The following CNBD2 variants were observed in gnomAD, a reference collection of about 807,000 sequenced individuals.
CNBD2 encodes the protein cyclic nucleotide binding domain containing 2, also known as cyclic nucleotide-binding domain-containing protein 2.
A neutral mutation model predicts 63.7 loss-of-function variants in CNBD2; 64 were observed. That is an observed-to-expected ratio of 1.00 (90% CI 0.82 to 1.24). The LOEUF (loss-of-function observed/expected upper bound fraction) is 1.24, where lower values mean the gene tolerates loss of function less well. Among genes scored for constraint, CNBD2 ranks in the 50% most tolerant of loss-of-function variants. The probability of loss-of-function intolerance (pLI) is 0.00; values close to 1 mark genes in which losing one functional copy is unlikely to be tolerated. For synonymous variants in CNBD2, 229 were observed against 255.4 expected (o/e 0.90, Z 0.99); for missense variants, 691 against 713.5 (o/e 0.97, Z 0.36).
At position 36,030,543 on chromosome 20, in the gene CNBD2, AC is replaced by A; in HGVS notation, c.1628del (p.Pro543LeufsTer16). 6.2e-7 allele frequency: 1 copy of A among 1,613,872 alleles called. No homozygotes were observed. The highest frequency in any genetic ancestry group is 8.5e-7 in the Non-Finnish European group (1 of 1,179,976). On this transcript the variant is annotated frameshift_variant, in exon 12 of 12. Transcript: ENST00000373973. LOFTEE classifies it high-confidence loss of function. ...DLCSINKTTK[P>X]RYPIFMAPQK... Reference sequence around the variant, plus strand: ...TGTGCAGCATCAACAAGACGACTAAACCTCGTTATCCTATTTTTATGGCACC... The same window carrying A: ...TGTGCAGCATCAACAAGACGACTAAACTCGTTATCCTATTTTTATGGCACC...
chr20:36,008,278 C>T lies in CNBD2; in HGVS notation c.971-19C>T. On this transcript the variant is annotated intron_variant, in intron 8 of 11. Transcript: ENST00000373973. ...ATGCAAAGATCCATAAGTATCTTTT[C>T]CTGTGCTTTCTCTAACAGAATACTC... 1 of 1,587,524 alleles carries T rather than the reference C, an allele frequency of 6.3e-7. No individual in the cohort carries two copies. The highest frequency in any genetic ancestry group is 1.1e-5 in the South Asian group (1 of 87,400).
Position 35,994,989 on chromosome 20 carries a change from C to T in CNBD2, c.856-49C>T. 3 of 1,326,978 alleles carry T rather than the reference C, an allele frequency of 2.3e-6. No individual in the cohort carries two copies. The South Asian group carries it at 3.6e-5, about 16-fold the overall frequency. 82.2% of individuals were successfully genotyped at this position (1,326,978 alleles called of 1,614,324 possible). On this transcript the variant is annotated intron_variant, in intron 7 of 11. Transcript: ENST00000373973. Reference sequence around the variant, plus strand: ...AGATTTTCTTCAAAGCCTGGCCTACCTGGAGCCTTAGGGGTTAACCCTTTT... The same window carrying T: ...AGATTTTCTTCAAAGCCTGGCCTACTTGGAGCCTTAGGGGTTAACCCTTTT...
rs530095617 is a variant in CNBD2 at position 35,995,095 on chromosome 20, T to C, written c.913T>C (p.Trp305Arg). The C allele has an allele frequency of 1.9e-6, 3 of 1,614,134 alleles. No individual in the cohort carries two copies. The highest frequency in any genetic ancestry group is 2.5e-6 in the Non-Finnish European group (3 of 1,179,998). ...TGGGGCCTCCCCTTCCTACCGTAGA[T>C]GGATCTGGCAGCACCTGGAGCTGAT... ...DLGASPSYRR[W>R]IWQHLELIDG... The change falls in exon 8 of 12, where the codon TGG becomes CGG. Residue 305 changes from tryptophan (W) to arginine (R), a missense_variant. Coordinates refer to ENST00000373973, the MANE Select transcript of CNBD2 (RefSeq NM_001365709.1).
chr20:35,971,465 T>C (rs2056417012), intron 1 of CNBD2, among the ~76,000 whole-genome samples: 1 of 151,786 alleles, frequency 6.6e-6, no homozygotes, highest in Non-Finnish European at 1.5e-5. Flanking sequence ...ACCCAGGCTG[T>C]AGTGCAGAGG....
intron 10 of CNBD2, among the ~76,000 whole-genome samples, chr20:36,014,195 A>AAAAAAAAAAAAT (rs2147341797): frequency 6.6e-6 from 1 of 150,486 alleles, no homozygotes; most frequent in African/African-American, 2.5e-5. Context: ...AAAAAAAAAA[A>AAAAAAAAAAAAT]GGAAATATGT....
intron 6 of CNBD2, among the ~76,000 whole-genome samples, chr20:35,985,596 C>A (rs1023221033): frequency 2.0e-5 from 3 of 151,824 alleles, no homozygotes; most frequent in African/African-American, 7.3e-5. Context: ...AGCAATTCTC[C>A]TGCCTCAGCC....
At chr20:35,996,508 G>GT (rs1275063891) in intron 8 of CNBD2, among the ~76,000 whole-genome samples, 4,705 of 132,090 alleles carry the variant, frequency 0.036, 248 homozygotes, top group African/African-American at 0.11. Flanking sequence ...CTCTCTTTTT[G>GT]TTTTTTTTTT....
chr20:35,957,141 A>G (rs11908470), downstream of CNBD2, among the ~76,000 whole-genome samples: 12,434 of 152,166 alleles, frequency 0.082, 794 homozygotes, highest in South Asian at 0.2. Flanking sequence ...AGGAGGAGGG[A>G]CCTGAGAGAT....
intron 8 of CNBD2, 136 bp downstream of exon 8, chr20:35,995,288 G>T: frequency 3.5e-6 from 2 of 569,448 alleles, no homozygotes. Flanking sequence ...ACCAGCGGTG[G>T]AAACCCAGTC....
At chr20:36,008,559 C>G in intron 9 of CNBD2, 85 bp downstream of exon 9, 1 of 1,333,076 alleles carries the variant, frequency 7.5e-7, no homozygotes, top group Non-Finnish European at 1.0e-6. Flanking sequence ...GTCAGGGATG[C>G]GGATAAGGGG....
chr20:35,998,654 A>C (rs2056857724), intron 8 of CNBD2, among the ~76,000 whole-genome samples: 5 of 152,080 alleles, frequency 3.3e-5, no homozygotes, highest in Admixed American at 3.3e-4. Context: ...AGATCACCTG[A>C]GGTCAGGAGT....
rs552105889 is a variant in CNBD2 at position 36,008,317 on chromosome 20, T to A, written c.991T>A (p.Phe331Ile). 2 of 1,611,702 alleles carry A rather than the reference T, an allele frequency of 1.2e-6. No individual in the cohort carries two copies. The highest frequency in any genetic ancestry group is 1.3e-5 in the African/African-American group (1 of 74,762). The change falls in exon 9 of 12, where the codon TTT (phenylalanine) becomes ATT (isoleucine). Residue 331 changes from phenylalanine (F) to isoleucine (I), a missense_variant. By Grantham distance (21) the Phe-to-Ile change is conservative. Transcript: ENST00000373973. ...HLSEYSPMER[F>I]KEFQIKSYPL... ...AACAGAATACTCTCCTATGGAAAGA[T>A]TTAAGGAATTCCAGATCAAATCATA...
chr20:36,026,200 A>AT (rs1238813246), intron 11 of CNBD2, among the ~76,000 whole-genome samples: 1 of 151,940 alleles, frequency 6.6e-6, no homozygotes, highest in Non-Finnish European at 1.5e-5. Flanking sequence ...TGCCTGGCTA[A>AT]TTTTTTTGTA....
chr20:35,980,582 C>T lies in CNBD2; in HGVS notation c.367C>T (p.Pro123Ser). The part of the protein sequence containing the change: ...VLDSYRNYAE[P>S]LQLLLAKVMR... ...GGATAGCTATCGGAACTACGCAGAG[C>T]CCCTGCAGCTGCTCCTGGCCAAAGT... Residue 123 changes from proline to serine, a missense_variant, in exon 4 of 12, where the codon CCC becomes TCC. Transcript: ENST00000373973. 6.2e-7 allele frequency: 1 copy of T among 1,613,936 alleles called. No individual in the cohort carries two copies. The highest frequency in any genetic ancestry group is 8.5e-7 in the Non-Finnish European group (1 of 1,180,038).
chr20:35,992,133 G>A (rs1267078741), intron 7 of CNBD2, among the ~76,000 whole-genome samples: 6 of 152,036 alleles, frequency 3.9e-5, no homozygotes, highest in East Asian at 3.9e-4. Flanking sequence ...CACCCTCCTC[G>A]GCCTCCCAAA....
chr20:36,003,285 A>ATATAGTT (rs1260268468), intron 8 of CNBD2, among the ~76,000 whole-genome samples: 1 of 151,914 alleles, frequency 6.6e-6, no homozygotes, highest in African/African-American at 2.4e-5. Flanking sequence ...TTTCCTTTTC[A>ATATAGTT]TATAGTTTAT....
At chr20:35,954,745 G>T in exon 1 of CNBD2, 2 of 704,306 alleles carry the variant, frequency 2.8e-6, no homozygotes, top group Non-Finnish European at 2.1e-6. Context: ...GCGCCGCTTC[G>T]GTTTGCAGGT....
chr20:35,979,861 A>G (rs2056572685), intron 3 of CNBD2, among the ~76,000 whole-genome samples: 1 of 152,214 alleles, frequency 6.6e-6, no homozygotes, highest in Non-Finnish European at 1.5e-5. Flanking sequence ...AGTAGAGAAC[A>G]AAGGGGAGAG....
At chr20:36,008,121 C>T (rs769683708) in intron 8 of CNBD2, among the ~76,000 whole-genome samples, 176 bp from the exon 9 acceptor site, 2 of 152,092 alleles carry the variant, frequency 1.3e-5, no homozygotes, top group Non-Finnish European at 2.9e-5. Flanking sequence ...GCAGGGCCTG[C>T]CACCCAGGGA....
Sources: gnomAD v4.1 joint callset for allele counts (sites outside exome capture counted in the v4.1 genomes callset) on GRCh38, gnomAD v4.1.1 for gene constraint, MANE v1.5 for transcripts, NCBI Gene and HGNC (gene_info 2026-07-23, HGNC 2026-07-21) for gene names.